CMTM4: variants seen among roughly 807,000 people sequenced by gnomAD.
CMTM4 encodes the protein CKLF like MARVEL transmembrane domain containing 4, also known as CKLF-like MARVEL transmembrane domain-containing protein 4.
CMTM4 carries 8 observed loss-of-function variants against 19.0 expected under a neutral mutation model. That is an observed-to-expected ratio of 0.42 (90% CI 0.25 to 0.76). The LOEUF (loss-of-function observed/expected upper bound fraction) is 0.76, where lower values mean the gene tolerates loss of function less well. Ranked by LOEUF, CMTM4 falls within the 30% of genes least tolerant of loss-of-function variation. The pLI, the probability that CMTM4 is intolerant of heterozygous loss-of-function variation, is 0.27. For synonymous variants in CMTM4, 106 were observed against 121.1 expected (o/e 0.88, Z 0.82); for missense variants, 228 against 290.2 (o/e 0.79, Z 1.56).
At chr16:66,638,194 C>T (rs1010140913) in intron 1 of CMTM4, among the ~76,000 whole-genome samples, 2 of 152,174 alleles carry the variant, frequency 1.3e-5, no homozygotes, top group African/African-American at 4.8e-5. Flanking sequence ...GCAGCCTCTG[C>T]CTCCGGAGCT....
intron 1 of CMTM4, among the ~76,000 whole-genome samples, chr16:66,645,836 G>A (rs763356358): frequency 1.3e-5 from 2 of 151,646 alleles, no homozygotes; most frequent in Admixed American, 6.6e-5. Context: ...AAAATTAGCC[G>A]AGTGTGGTGG....
At chr16:66,609,352 G>C in the CMTM4 span, 1 of 1,245,528 alleles carries the variant, frequency 8.0e-7, no homozygotes, top group East Asian at 2.4e-5. This position sits in a 1 kb window ranked among gnomAD's most constrained non-coding sequence, Gnocchi z 4.4. Context: ...CCTGGGGCTG[G>C]GAACACGACC....
Position 66,619,994 on chromosome 16 carries a change from CCT to C in CMTM4, c.*2062_*2063del, listed in dbSNP as rs1176736854. On this transcript the variant is annotated 3_prime_UTR_variant, in exon 4 of 4. Coordinates refer to ENST00000394106, the MANE Select transcript of CMTM4 (RefSeq NM_181521.3). ...CCTCAGGAGGCCAACCACCTGCCCC[CCT>C]CTTTCACCAGATGATCAAGTGGTTT... 9 of 985,266 alleles carry C rather than the reference CCT, an allele frequency of 9.1e-6. No individual in the cohort carries two copies. The African/African-American group carries it at 1.2e-4, about 13-fold the overall frequency. The allele number at this position is 985,266 out of a possible 1,614,324, so 61.0% of individuals were successfully genotyped here.
intron 1 of CMTM4, among the ~76,000 whole-genome samples, chr16:66,658,236 G>GGAAGGAGGGAGGGAAGGAGA (rs2016434704): frequency 6.9e-6 from 1 of 144,732 alleles, no homozygotes; most frequent in African/African-American, 2.5e-5. Context: ...AGGGAAGGAG[G>GGAAGGAGGGAGGGAAGGAGA]GAAGGAGGGA....
rs1450829031 is a variant in CMTM4, at chr16:66,696,402, C to G, written c.124G>C (p.Gly42Arg). ...EPVSQRRGLA[G>R]LRCDPDYLRG... ...AGGTAGTCGGGGTCGCAGCGCAGGC[C>G]GGCCAGCCCGCGGCGCTGGCTCACC... The change falls in exon 1 of 4, where the codon GGC (glycine) becomes CGC (arginine). Residue 42 changes from glycine (G) to arginine (R), a missense_variant. Physicochemically the swap from Gly to Arg is moderately radical, Grantham distance 125 (BLOSUM62 -2). This residue lies in a region of CMTM4 where 200 missense variants were observed against 226.6 expected (regional missense o/e 0.88). Transcript: ENST00000394106. The surrounding 1 kb of genome is among the most constrained non-coding windows in gnomAD (Gnocchi z 4.3). 1.4e-6 allele frequency: 2 copies of G among 1,411,540 alleles called. No homozygotes were observed. Among genetic ancestry groups the G allele is most frequent in the Non-Finnish European group, 9.2e-7 (1 of 1,084,146 alleles). The allele number at this position is 1,411,540 out of a possible 1,614,324, so 87.4% of individuals were successfully genotyped here. A position where few individuals can be genotyped will look rare whatever the true frequency, so the allele number is the denominator to read the frequency against.
chr16:66,612,836 G>A (rs933185213), downstream of CMTM4: 42 of 615,730 alleles, frequency 6.8e-5, no homozygotes, highest in African/African-American at 6.8e-4. This position sits in a 1 kb window ranked among gnomAD's most constrained non-coding sequence, Gnocchi z 6.0. Context: ...TGTTGACCAC[G>A]CTGCGTATGA....
Position 66,619,930 on chromosome 16 carries a change from C to T in CMTM4, c.*2128G>A, listed in dbSNP as rs1327748017. On this transcript the variant is annotated 3_prime_UTR_variant, in exon 4 of 4. Coordinates refer to ENST00000394106, the MANE Select transcript of CMTM4 (RefSeq NM_181521.3). Reference sequence around the variant, plus strand: ...TTGGTCATTCATCTGCATTTAGTTTCAGTGACTTCAGAACTATTTCTTGCA... The same window carrying T: ...TTGGTCATTCATCTGCATTTAGTTTTAGTGACTTCAGAACTATTTCTTGCA... The T allele has an allele frequency of 6.1e-6, 6 of 985,360 alleles. No homozygotes were observed. The highest frequency in any genetic ancestry group is 7.2e-6 in the Non-Finnish European group (6 of 829,950). The allele number at this position is 985,360 out of a possible 1,614,324, so 61.0% of individuals were successfully genotyped here.
At chr16:66,668,447 T>C (rs1289457032) in intron 1 of CMTM4, among the ~76,000 whole-genome samples, 2 of 152,188 alleles carry the variant, frequency 1.3e-5, no homozygotes, top group African/African-American at 4.8e-5. Flanking sequence ...TCTGTCCATG[T>C]TTTTGCTTTT....
chr16:66,674,286 G>C (rs1013163241), intron 1 of CMTM4, among the ~76,000 whole-genome samples: 4 of 152,136 alleles, frequency 2.6e-5, no homozygotes, highest in African/African-American at 9.7e-5. Context: ...CCCTTCCAAG[G>C]CTCCCTCAAA....
intron 1 of CMTM4, among the ~76,000 whole-genome samples, chr16:66,642,726 A>G (rs1290336509): frequency 6.6e-6 from 1 of 152,116 alleles, no homozygotes; most frequent in Non-Finnish European, 1.5e-5. Flanking sequence ...CAAAACAAAC[A>G]AACGAACAAA....
At chr16:66,603,209 C>T in the CMTM4 span, among the ~76,000 whole-genome samples, 2 of 152,122 alleles carry the variant, frequency 1.3e-5, no homozygotes, top group African/African-American at 4.8e-5. Context: ...TTTGTAGTCA[C>T]AGAGTGCTCT....
chr16:66,600,205 C>T, the CMTM4 span, among the ~76,000 whole-genome samples: 3 of 146,510 alleles, frequency 2.0e-5, no homozygotes, highest in Admixed American at 7.0e-5. Flanking sequence ...TGCAGTGGCA[C>T]GATCTCAGCT....
At chr16:66,633,203 A>G (rs1225049650) in intron 2 of CMTM4, among the ~76,000 whole-genome samples, 1 of 150,112 alleles carries the variant, frequency 6.7e-6, no homozygotes, top group Non-Finnish European at 1.5e-5. Flanking sequence ...ACATTAACAG[A>G]ATCATTCAAA....
chr16:66,647,755 T>G (rs1245787676), intron 1 of CMTM4, among the ~76,000 whole-genome samples: 2 of 152,146 alleles, frequency 1.3e-5, no homozygotes, highest in Non-Finnish European at 2.9e-5. Flanking sequence ...CAGGCTGGAC[T>G]CAAACTCCTG....
chr16:66,617,968 A>G lies in CMTM4; in HGVS notation c.*4090T>C. ...GTTTCCAAGACAGCCTGAGCTGTCT[A>G]GTGCTGATAGCAGACAGGTGGGGTG... On this transcript the variant is annotated 3_prime_UTR_variant, in exon 4 of 4. Coordinates refer to ENST00000394106, the MANE Select transcript of CMTM4 (RefSeq NM_181521.3). The G allele has an allele frequency of 1.0e-6, 1 of 986,092 alleles. No individual in the cohort carries two copies. The highest frequency in any genetic ancestry group is 1.2e-6 in the Non-Finnish European group (1 of 830,392). The allele number at this position is 986,092 out of a possible 1,614,324, so 61.1% of individuals were successfully genotyped here.
At chr16:66,599,875 T>A in the CMTM4 span, among the ~76,000 whole-genome samples, 3 of 152,126 alleles carry the variant, frequency 2.0e-5, no homozygotes, top group Non-Finnish European at 4.4e-5. Flanking sequence ...GCTCCCCACA[T>A]CCTCACCAGC....
chr16:66,650,859 A>G (rs1346740498), intron 1 of CMTM4, among the ~76,000 whole-genome samples: 2 of 152,174 alleles, frequency 1.3e-5, no homozygotes, highest in African/African-American at 4.8e-5. Flanking sequence ...GGGAGCAACT[A>G]TTAAGGACCC....
At chr16:66,673,818 G>C (rs1455804363) in intron 1 of CMTM4, among the ~76,000 whole-genome samples, 1 of 152,228 alleles carries the variant, frequency 6.6e-6, no homozygotes, top group Non-Finnish European at 1.5e-5. Flanking sequence ...TTGCATGTTT[G>C]CAACTTCCGC....
chr16:66,651,634 A>G (rs1326094208), intron 1 of CMTM4, among the ~76,000 whole-genome samples: 1 of 152,178 alleles, frequency 6.6e-6, no homozygotes, highest in Non-Finnish European at 1.5e-5. Flanking sequence ...CATGGGAAAA[A>G]TCACCATGTA....
Sources: allele counts gnomAD v4.1 joint callset (sites outside exome capture counted in the v4.1 genomes callset), GRCh38; gene constraint gnomAD v4.1.1; regional missense constraint gnomAD v4.1.1; non-coding constraint Gnocchi (gnomAD v3.1); transcripts MANE v1.5; gene names NCBI Gene and HGNC (gene_info 2026-07-23, HGNC 2026-07-21).